Variants in DIP2A observed in about 807,000 individuals in gnomAD.
DIP2A encodes the protein DIP2 acetate--CoA ligase A.
A neutral mutation model predicts 177.4 loss-of-function variants in DIP2A; 85 were observed. The ratio of observed to expected loss-of-function variants is 0.48; its 90% CI spans 0.40 to 0.57. The LOEUF (loss-of-function observed/expected upper bound fraction) is 0.57, where lower values mean the gene tolerates loss of function less well. DIP2A is among the 20% of genes least tolerant of loss of function. The probability of loss-of-function intolerance (pLI) is 0.00; values close to 1 mark genes in which losing one functional copy is unlikely to be tolerated. For synonymous variants in DIP2A, 886 were observed against 881.8 expected (o/e 1.00, Z -0.08); for missense variants, 1,791 against 2,100.2 (o/e 0.85, Z 2.88).
At chr21:46,546,111 C>CCTACCT in intron 20 of DIP2A, 150 bp downstream of exon 20, 1 of 1,488,252 alleles carries the variant, frequency 6.7e-7, no homozygotes, top group South Asian at 1.3e-5. Flanking sequence ...TGCCCATCAC[C>CCTACCT]CTACCTGTGT....
chr21:46,546,875 C>T (rs1601789404), intron 20 of DIP2A, 40 bp from the exon 21 acceptor site: 2 of 1,607,582 alleles, frequency 1.2e-6, no homozygotes, highest in Non-Finnish European at 1.7e-6. Flanking sequence ...CCAGCTTCTG[C>T]CCGTGTGGGT....
At chr21:46,487,245 TCAA>T (rs1047530074) in intron 2 of DIP2A, among the ~76,000 whole-genome samples, 19 of 152,178 alleles carry the variant, frequency 1.2e-4, no homozygotes, top group Non-Finnish European at 1.8e-4. Context: ...TTATAACAGA[TCAA>T]CAACAACAAG....
intron 1 of DIP2A, among the ~76,000 whole-genome samples, chr21:46,478,542 T>C (rs1224501899): frequency 1.3e-5 from 2 of 152,232 alleles, no homozygotes; most frequent in African/African-American, 4.8e-5. Context: ...GGCTGACTCT[T>C]GTGATCCACT....
In DIP2A at chr21:46,557,726, C is replaced by A. The variant is rs1488777381; in HGVS notation, c.3771C>A (p.Gly1257=). The A allele has an allele frequency of 1.2e-6, 2 of 1,611,986 alleles. 1 individual carries two copies. Among genetic ancestry groups the A allele is most frequent in the South Asian group, 2.2e-5 (2 of 91,042 alleles). Residue 1257 remains glycine, a synonymous_variant, in exon 31 of 38, where the codon GGC becomes GGA. Coordinates refer to ENST00000417564, the MANE Select transcript of DIP2A (RefSeq NM_015151.4). The surrounding 1 kb of genome is among the most constrained non-coding windows in gnomAD (Gnocchi z 6.0). ...SYSVMEMCTK[G]LGAQTGVLRM... ...CTGTGATGGAGATGTGCACCAAGGG[C>A]CTAGGCGCACAGACGGGTGTCCTCA...
At chr21:46,479,655 A>T (rs1474446391) in intron 1 of DIP2A, among the ~76,000 whole-genome samples, 1 of 152,094 alleles carries the variant, frequency 6.6e-6, no homozygotes, top group Admixed American at 6.6e-5. Flanking sequence ...CCTCCCTAGT[A>T]GCTTAGGACT....
rs1457198780 is a variant in DIP2A at position 46,554,915 on chromosome 21, C to T, written c.3370C>T (p.Pro1124Ser). The change falls in exon 28 of 38, where the codon CCC becomes TCC. Residue 1124 changes from proline (P) to serine (S), a missense_variant. By Grantham distance (74) the Pro-to-Ser change is moderately conservative (BLOSUM62 -1). Transcript: ENST00000417564. ...AAAAVDIRTW[P>S]TILDTDDIPK... ...TGCTGCCGTGGACATCAGGACCTGG[C>T]CCACCATCCTAGACACAGGTGCGTG... is the stretch of plus-strand genomic sequence containing the variant. 1 of 1,552,324 alleles carries T rather than the reference C, an allele frequency of 6.4e-7. No individual in the cohort carries two copies. The highest frequency in any genetic ancestry group is 8.7e-7 in the Non-Finnish European group (1 of 1,148,006).
rs721131 is a variant in DIP2A at position 46,537,854 on chromosome 21, T to C, written c.1801+315T>C. On this transcript the variant is annotated intron_variant, in intron 15 of 37. Coordinates refer to ENST00000417564, the MANE Select transcript of DIP2A (RefSeq NM_015151.4). The surrounding 1 kb of genome is among the most constrained non-coding windows in gnomAD (Gnocchi z 4.1). ...CCCAGCATGGCCACACCTGCACAGT[T>C]GGCAGTCTGTGTCTCTGCCCTGTGG... Among the ~76,000 whole-genome samples the C allele has an allele frequency of 0.31, 46,487 of 152,040 alleles. 7,295 individuals carry two copies. Among genetic ancestry groups the C allele is most frequent in the East Asian group, 0.42 (2,156 of 5,140 alleles).
intron 33 of DIP2A, chr21:46,561,415 A>C (rs954056526): frequency 2.6e-6 from 1 of 383,462 alleles, no homozygotes; most frequent in African/African-American, 2.1e-5. Flanking sequence ...TGGATTCTCA[A>C]GTATGGCCAC....
At chr21:46,500,392 C>T (rs2057584075) in intron 5 of DIP2A, among the ~76,000 whole-genome samples, 1 of 152,216 alleles carries the variant, frequency 6.6e-6, no homozygotes, top group South Asian at 2.1e-4. Context: ...CCCACCTTTC[C>T]TCAAGGTGGT....
At chr21:46,521,003 A>G (rs977687034) in intron 8 of DIP2A, among the ~76,000 whole-genome samples, 20 of 152,334 alleles carry the variant, frequency 1.3e-4, no homozygotes, top group Admixed American at 3.3e-4. Context: ...GCTTGATATT[A>G]CAAAATAGAA....
chr21:46,555,606 C>T (rs1330947381), intron 28 of DIP2A: 3 of 249,152 alleles, frequency 1.2e-5, no homozygotes, highest in African/African-American at 6.9e-5. Flanking sequence ...CAGAGCCCGT[C>T]CACAGCTATT....
intron 2 of DIP2A, among the ~76,000 whole-genome samples, chr21:46,486,336 A>G (rs1459261619): frequency 1.3e-5 from 2 of 152,072 alleles, no homozygotes; most frequent in Non-Finnish European, 2.9e-5. Flanking sequence ...TCCTGAGTAC[A>G]TGGGATTACA....
intron 18 of DIP2A, among the ~76,000 whole-genome samples, chr21:46,544,820 G>A (rs1481559143): frequency 6.6e-6 from 1 of 152,168 alleles, no homozygotes. Context: ...GGACCCGAGA[G>A]GGCAGTATGA....
rs750041074 is a variant in DIP2A, at chr21:46,560,707, C to T, written c.3970-15C>T. The T allele has an allele frequency of 1.2e-6, 2 of 1,603,302 alleles. No individual in the cohort carries two copies. Among genetic ancestry groups the T allele is most frequent in the East Asian group, 2.3e-5 (1 of 44,306 alleles). Reference sequence around the variant, plus strand: ...AGGCCCCTGAACAGAAGTTCCTCTGCTGCTCTCCTTCCAGGGCACAGCTGG... The same window carrying T: ...AGGCCCCTGAACAGAAGTTCCTCTGTTGCTCTCCTTCCAGGGCACAGCTGG... On this transcript the variant is annotated splice_polypyrimidine_tract_variant and intron_variant, in intron 32 of 37. Transcript: ENST00000417564.
chr21:46,541,666 G>T (rs1160638293), intron 17 of DIP2A, 90 bp from the exon 18 acceptor site: 3 of 1,486,756 alleles, frequency 2.0e-6, no homozygotes, highest in African/African-American at 1.4e-5. Flanking sequence ...AGTGGCTTTG[G>T]TGCAGAATCA....
chr21:46,573,435 G>A (rs1041261959), downstream of DIP2A, among the ~76,000 whole-genome samples: 2 of 151,674 alleles, frequency 1.3e-5, no homozygotes, highest in African/African-American at 4.8e-5. Flanking sequence ...TGAGGCAGGT[G>A]GTTTTCTTGA....
Position 46,500,941 on chromosome 21 carries a change from T to A in DIP2A, c.655+2108T>A, listed in dbSNP as rs148013866. On this transcript the variant is annotated intron_variant, in intron 5 of 37. Transcript: ENST00000417564. Reference sequence around the variant, plus strand: ...TTCTTGTTAGTCCTAGCATCAACATTTTGTGATCAATTCTAATACATTTAA... The same window carrying A: ...TTCTTGTTAGTCCTAGCATCAACATATTGTGATCAATTCTAATACATTTAA... Among the ~76,000 whole-genome samples, 524 of 152,324 alleles carry A rather than the reference T, an allele frequency of 3.4e-3. 1 individual carries two copies. The highest frequency in any genetic ancestry group is 0.012 in the African/African-American group (485 of 41,564).
At chr21:46,470,496 G>A (rs2055264279) in intron 1 of DIP2A, among the ~76,000 whole-genome samples, 1 of 151,348 alleles carries the variant, frequency 6.6e-6, no homozygotes, top group Non-Finnish European at 1.5e-5. Context: ...GGGGGGGCCA[G>A]GCACGGTAGC....
Position 46,551,861 on chromosome 21 carries a change from A to T in DIP2A, c.2987A>T (p.His996Leu). 3 of 1,611,664 alleles carry T rather than the reference A, an allele frequency of 1.9e-6. No individual in the cohort carries two copies. Among genetic ancestry groups the T allele is most frequent in the Non-Finnish European group, 2.5e-6 (3 of 1,179,000 alleles). ...GCTGACGTGCTGCAGTGGCGTGCCC[A>T]CACCACTCCTGACCACCCGCTGTTC... ...FLADVLQWRA[H>L]TTPDHPLFLL... is the part of the protein sequence containing the mutation. The change falls in exon 25 of 38, where the codon CAC (histidine) becomes CTC (leucine). Residue 996 changes from histidine to leucine, a missense_variant. Coordinates refer to ENST00000417564, the MANE Select transcript of DIP2A (RefSeq NM_015151.4).
Sources: gnomAD v4.1 joint callset for allele counts (sites outside exome capture counted in the v4.1 genomes callset) on GRCh38, gnomAD v4.1.1 for gene constraint, Gnocchi (gnomAD v3.1) non-coding constraint, MANE v1.5 for transcripts, NCBI Gene and HGNC (gene_info 2026-07-23, HGNC 2026-07-21) for gene names.